The following TRAPPC2 variants were observed in gnomAD, a reference collection of about 807,000 sequenced individuals.
TRAPPC2 encodes sedlin.
In TRAPPC2, 4 loss-of-function variants were observed where a neutral mutation model predicts 10.0. The ratio of observed to expected loss-of-function variants is 0.40; its 90% CI spans 0.20 to 0.92. The LOEUF (loss-of-function observed/expected upper bound fraction) is 0.92. Ranked by LOEUF, TRAPPC2 falls within the 40% of genes least tolerant of loss-of-function variation. The pLI is 0.35. For missense variants in TRAPPC2, 52 were observed against 108.7 expected, an observed-to-expected ratio of 0.48 and a Z score of 2.32; for synonymous variants, 36 against 37.3, an observed-to-expected ratio of 0.97 and a Z score of 0.12.
In TRAPPC2 at chrX:13,734,148, G is replaced by T. The variant is rs1028629188; in HGVS notation, c.-124C>A. The T allele has an allele frequency of 2.0e-6, 1 of 506,519 alleles. No individual in the cohort carries two copies. Among genetic ancestry groups the T allele is most frequent in the African/African-American group, 2.3e-5 (1 of 43,093 alleles). The allele number at this position is 506,519 out of a possible 1,213,427, so 41.7% of individuals were successfully genotyped here. The stretch of plus-strand genomic sequence containing the variant: ...AAGAGGACATCTGGCAATATCTGGA[G>T]ACATCTTTGGTTGTCACACTTGGGG... On this transcript the variant is annotated 5_prime_UTR_variant, in exon 2 of 6. Transcript: ENST00000380579.
intron 2 of TRAPPC2, among the ~76,000 whole-genome samples, chrX:13,726,615 TAGAA>T (rs1185910615): frequency 1.8e-5 from 2 of 111,354 alleles, no homozygotes; most frequent in Non-Finnish European, 3.8e-5. Flanking sequence ...GCACTAAACA[TAGAA>T]AGAAACAACC....
chrX:13,725,074 C>T (rs1306112269), intron 2 of TRAPPC2, among the ~76,000 whole-genome samples: 1 of 113,032 alleles, frequency 8.8e-6, no homozygotes, highest in Non-Finnish European at 1.9e-5. Context: ...GCTGAGGCTT[C>T]AGTAGGTAAA....
intron 2 of TRAPPC2, among the ~76,000 whole-genome samples, chrX:13,722,839 G>A (rs5978658): frequency 0.29 from 32,248 of 110,207 alleles, 3,594 homozygotes; most frequent in Non-Finnish European, 0.33. Flanking sequence ...CAAGGTGGGC[G>A]GATCACGAGG....
chrX:13,717,828 A>C (rs1161290656), intron 3 of TRAPPC2, among the ~76,000 whole-genome samples: 1 of 112,367 alleles, frequency 8.9e-6, no homozygotes, highest in Non-Finnish European at 1.9e-5. Flanking sequence ...CCTAAGCAAC[A>C]GTACCTCAGA....
rs762297962 is a variant in TRAPPC2 at position 13,716,604 on chromosome X, C to A, written c.168G>T (p.Ser56=). The change falls in exon 4 of 6, where the codon TCG becomes TCT. Residue 56 remains serine (S), a synonymous_variant. Coordinates refer to ENST00000380579, the MANE Select transcript of TRAPPC2 (RefSeq NM_001011658.4). The part of the protein sequence containing the change: ...LDLVDENMWL[S]NNMYLKTVDK... ...CCACAGTTTTCAAGTACATGTTGTTCGATAGCCACATGTTCTCATCTACGA... is the reference window on the plus strand; with the variant it reads ...CCACAGTTTTCAAGTACATGTTGTTAGATAGCCACATGTTCTCATCTACGA... 1.7e-6 allele frequency: 2 copies of A among 1,211,247 alleles called. No individual in the cohort carries two copies. The highest frequency in any genetic ancestry group is 3.0e-5 in the East Asian group (1 of 33,831).
chrX:13,726,547 G>C (rs2046554445), intron 2 of TRAPPC2, among the ~76,000 whole-genome samples: 1 of 111,611 alleles, frequency 9.0e-6, no homozygotes, highest in Non-Finnish European at 1.9e-5. Context: ...TTACAGAGAA[G>C]GAAATGATGA....
intron 4 of TRAPPC2, 42 bp downstream of exon 4, chrX:13,716,492 C>A (rs779776358): frequency 1.7e-6 from 2 of 1,205,212 alleles, no homozygotes; most frequent in East Asian, 5.9e-5. Flanking sequence ...GTTTGTGAGC[C>A]CAAACTTTAG....
At chrX:13,728,306 AT>A (rs955270397) in intron 2 of TRAPPC2, among the ~76,000 whole-genome samples, 2 of 111,929 alleles carry the variant, frequency 1.8e-5, no homozygotes, top group African/African-American at 6.5e-5. Flanking sequence ...AAAAAAGAGA[AT>A]TTTAGACCAA....
intron 2 of TRAPPC2, chrX:13,722,208 C>CAGAAAAAAAAAAAAAAA (rs1555898001): frequency 2.8e-5 from 1 of 36,114 alleles, no homozygotes; most frequent in Non-Finnish European, 5.1e-5. Context: ...TAAGCAGCAG[C>CAGAAAAAAAAAAAAAAA]AAAAAAAAAA....
chrX:13,733,476 C>A (rs1353545793), intron 2 of TRAPPC2, among the ~76,000 whole-genome samples: 3 of 112,069 alleles, frequency 2.7e-5, no homozygotes, highest in Non-Finnish European at 3.8e-5. Context: ...CCTTTAAAAT[C>A]CAACTAAGCC....
At position 13,716,630 on chromosome X, in the gene TRAPPC2, G is replaced by T; in HGVS notation, c.142C>A (p.Leu48Ile). Reference protein sequence around the residue: ...NQFIAHAALDLVDENMWLSNN... With the variant: ...NQFIAHAALDIVDENMWLSNN... ...GATAGCCACATGTTCTCATCTACGA[G>T]GTCGAGAGCAGCATGAGCTATGAAC... Residue 48 changes from leucine (L) to isoleucine (I), a missense_variant, in exon 4 of 6, where the codon CTC becomes ATC. By Grantham distance (5) the Leu-to-Ile change is conservative. Coordinates refer to ENST00000380579, the MANE Select transcript of TRAPPC2 (RefSeq NM_001011658.4). 1 of 1,211,595 alleles carries T rather than the reference G, an allele frequency of 8.3e-7. No individual in the cohort carries two copies. Among genetic ancestry groups the T allele is most frequent in the African/African-American group, 1.7e-5 (1 of 57,920 alleles).
At chrX:13,728,144 G>A (rs749508325) in intron 2 of TRAPPC2, among the ~76,000 whole-genome samples, 1 of 111,703 alleles carries the variant, frequency 9.0e-6, no homozygotes, top group Non-Finnish European at 1.9e-5. Context: ...GGACCAGATG[G>A]ATTCACATCC....
In TRAPPC2 at chrX:13,734,073, C is replaced by T. The variant is rs763582277; in HGVS notation, c.-49G>A. On this transcript the variant is annotated 5_prime_UTR_variant, in exon 2 of 6. Transcript: ENST00000380579. Reference sequence around the variant, plus strand: ...ACCTCACAGCACACAATGGTTGGTACTCTAAAACGTTTAGCTCTGTGGATC... The same window carrying T: ...ACCTCACAGCACACAATGGTTGGTATTCTAAAACGTTTAGCTCTGTGGATC... 9 of 513,044 alleles carry T rather than the reference C, an allele frequency of 1.8e-5. No homozygotes were observed. The highest frequency in any genetic ancestry group is 2.8e-5 in the Non-Finnish European group (8 of 286,509). The allele number at this position is 513,044 out of a possible 1,213,427, so 42.3% of individuals were successfully genotyped here.
chrX:13,715,100 GACTA>G (rs1267284290), intron 5 of TRAPPC2, among the ~76,000 whole-genome samples: 1 of 112,633 alleles, frequency 8.9e-6, no homozygotes, highest in Non-Finnish European at 1.9e-5. Flanking sequence ...TACTACCTCT[GACTA>G]GGAATACTGT....
chrX:13,717,943 A>G (rs1275959371), intron 3 of TRAPPC2, among the ~76,000 whole-genome samples: 3 of 111,877 alleles, frequency 2.7e-5, no homozygotes, highest in Non-Finnish European at 5.6e-5. Flanking sequence ...TGTATTTAGA[A>G]AAAGGGAACA....
intron 2 of TRAPPC2, chrX:13,722,194 C>T (rs1602722825): frequency 2.4e-5 from 1 of 42,384 alleles, no homozygotes. Context: ...TTCTTCAGTA[C>T]ATTTAAGCAG....
At chrX:13,716,380 C>T (rs1203766115) in intron 4 of TRAPPC2, 154 bp downstream of exon 4, 25 of 706,023 alleles carry the variant, frequency 3.5e-5, no homozygotes, top group Non-Finnish European at 4.4e-5. Flanking sequence ...GTTTTTCCCC[C>T]CTAAAAAAAG....
chrX:13,734,135 G>A lies in TRAPPC2; in HGVS notation c.-111C>T, dbSNP rs1426772316. 1 of 511,558 alleles carries A rather than the reference G, an allele frequency of 2.0e-6. No individual in the cohort carries two copies. The allele number at this position is 511,558 out of a possible 1,213,427, so 42.2% of individuals were successfully genotyped here. ...CGATCTTGCTTCCAAGAGGACATCTGGCAATATCTGGAGACATCTTTGGTT... is the reference window on the plus strand; with the variant it reads ...CGATCTTGCTTCCAAGAGGACATCTAGCAATATCTGGAGACATCTTTGGTT... On this transcript the variant is annotated 5_prime_UTR_variant, in exon 2 of 6. Transcript: ENST00000380579.
chrX:13,728,755 A>G (rs1171091999), intron 2 of TRAPPC2, among the ~76,000 whole-genome samples: 1 of 112,096 alleles, frequency 8.9e-6, no homozygotes, highest in Non-Finnish European at 1.9e-5. Flanking sequence ...GGCCAGGGCA[A>G]TCAGGCAAGA....
Sources: allele counts gnomAD v4.1 joint callset (sites outside exome capture counted in the v4.1 genomes callset), GRCh38; gene constraint gnomAD v4.1.1; transcripts MANE v1.5; gene names NCBI Gene and HGNC (gene_info 2026-07-23, HGNC 2026-07-21).